The following FAM204A variants were observed in gnomAD, a reference collection of about 807,000 sequenced individuals.
FAM204A encodes the protein protein FAM204A.
Under a neutral mutation model 35.4 loss-of-function variants are expected in FAM204A, and 16 were observed. The observed-to-expected ratio is 0.45, with a 90% CI of 0.31 to 0.69. The LOEUF is 0.69. FAM204A is among the 30% of genes least tolerant of loss of function. The pLI, the probability that FAM204A is intolerant of heterozygous loss-of-function variation, is 0.07. For synonymous variants in FAM204A, 76 were observed against 86.9 expected, an observed-to-expected ratio of 0.88 and a Z score of 0.70; for missense variants, 240 against 265.7, an observed-to-expected ratio of 0.90 and a Z score of 0.67.
rs959044425 is a variant in FAM204A, at chr10:118,306,006, T to C, written c.*4851A>G. 3.3e-5 allele frequency: 5 copies of C among 152,392 alleles called. No individual in the cohort carries two copies. Among genetic ancestry groups the C allele is most frequent in the African/African-American group, 1.2e-4 (5 of 41,588 alleles). The allele number at this position is 152,392 out of a possible 1,614,324, so 9.4% of individuals were successfully genotyped here. A position where few individuals can be genotyped will look rare whatever the true frequency, so the allele number is the denominator to read the frequency against. ...GAAGATGAAGTGATATATTGACTTC[T>C]TGATCAAATGCCAGAACTTACAGAT... On this transcript the variant is annotated 3_prime_UTR_variant, in exon 9 of 9. Coordinates refer to ENST00000369183, the MANE Select transcript of FAM204A (RefSeq NM_022063.3).
chr10:118,328,518 C>T (rs562113299), intron 6 of FAM204A, among the ~76,000 whole-genome samples: 32 of 143,794 alleles, frequency 2.2e-4, no homozygotes, highest in Non-Finnish European at 3.9e-4. Flanking sequence ...TTTGGTGACA[C>T]GGTCTTACTC....
chr10:118,311,119 A>G, intron 8 of FAM204A, 88 bp downstream of exon 8: 2 of 1,238,114 alleles, frequency 1.6e-6, no homozygotes, highest in Non-Finnish European at 2.3e-6. Flanking sequence ...ATGAGTTAAC[A>G]GTTATACACG....
chr10:118,327,424 T>C (rs1846215380), intron 6 of FAM204A, among the ~76,000 whole-genome samples: 1 of 152,126 alleles, frequency 6.6e-6, no homozygotes, highest in South Asian at 2.1e-4. Context: ...AAGTACTTAA[T>C]ACCTGCAAGG....
chr10:118,336,132 G>A (rs1256936583), intron 3 of FAM204A, 50 bp downstream of exon 3: 1 of 1,581,070 alleles, frequency 6.3e-7, no homozygotes, highest in East Asian at 2.2e-5. Flanking sequence ...ACACACAGAG[G>A]CATGTGCACA....
chr10:118,337,018 A>G (rs1846399561), intron 2 of FAM204A, among the ~76,000 whole-genome samples: 1 of 152,248 alleles, frequency 6.6e-6, no homozygotes, highest in African/African-American at 2.4e-5. Flanking sequence ...AAATAATATT[A>G]AATGAAATAT....
Position 118,308,354 on chromosome 10 carries a change from T to G in FAM204A, c.*2503A>C, listed in dbSNP as rs902955587. On this transcript the variant is annotated 3_prime_UTR_variant, in exon 9 of 9. Coordinates refer to ENST00000369183, the MANE Select transcript of FAM204A (RefSeq NM_022063.3). ...TACTGATCCAAAAAGAATCCTTATT[T>G]TGCTGTGACTAGAATGGAGTGGACA... 2.0e-5 allele frequency: 3 copies of G among 152,222 alleles called. No individual in the cohort carries two copies. Among genetic ancestry groups the G allele is most frequent in the Non-Finnish European group, 2.9e-5 (2 of 68,040 alleles). The allele number at this position is 152,222 out of a possible 1,614,324, so 9.4% of individuals were successfully genotyped here. A position where few individuals can be genotyped will look rare whatever the true frequency, so the allele number is the denominator to read the frequency against.
intron 2 of FAM204A, among the ~76,000 whole-genome samples, chr10:118,339,558 C>T (rs571303125): frequency 1.3e-5 from 2 of 152,260 alleles, no homozygotes; most frequent in Admixed American, 1.3e-4. Flanking sequence ...ATCAGAGAAA[C>T]AGAAACTTAA....
intron 7 of FAM204A, among the ~76,000 whole-genome samples, chr10:118,316,780 T>C (rs139078942): frequency 4.2e-4 from 64 of 152,244 alleles, no homozygotes; most frequent in African/African-American, 1.5e-3. Flanking sequence ...TCATATACTC[T>C]GATTTCATAG....
At position 118,317,507 on chromosome 10, in the gene FAM204A, TAAAAG is replaced by T. The variant is rs139928313; in HGVS notation, c.544-6199_544-6195del. ...GATCACCCAATCATACCCCAAAGGTTAAAAGAAAATATCCTCAATGTAATGAGATT... is the reference window on the plus strand; with the variant it reads ...GATCACCCAATCATACCCCAAAGGTTAAAATATCCTCAATGTAATGAGATT... On this transcript the variant is annotated intron_variant, in intron 7 of 8. Coordinates refer to ENST00000369183, the MANE Select transcript of FAM204A (RefSeq NM_022063.3). Among the ~76,000 whole-genome samples, 247 of 151,950 alleles carry T rather than the reference TAAAAG, an allele frequency of 1.6e-3. 1 individual carries two copies. Among genetic ancestry groups the T allele is most frequent in the African/African-American group, 5.7e-3 (237 of 41,468 alleles).
In FAM204A at chr10:118,298,714, A is replaced by G. The variant is rs1845776196; in HGVS notation, c.*12143T>C. The G allele has an allele frequency of 6.6e-6, 1 of 152,214 alleles. No homozygotes were observed. The highest frequency in any genetic ancestry group is 2.4e-5 in the African/African-American group (1 of 41,454). The allele number at this position is 152,214 out of a possible 1,614,324, so 9.4% of individuals were successfully genotyped here. A position where few individuals can be genotyped will look rare whatever the true frequency, so the allele number is the denominator to read the frequency against. On this transcript the variant is annotated 3_prime_UTR_variant, in exon 9 of 9. Coordinates refer to ENST00000369183, the MANE Select transcript of FAM204A (RefSeq NM_022063.3). The stretch of plus-strand genomic sequence containing the variant: ...CCACATTATTATTTTTGGCACTAGG[A>G]AACATGAGGACCAGTGATGAAATGT...
At chr10:118,335,525 GA>G (rs34302018) in intron 4 of FAM204A, 28 bp downstream of exon 4, 340,434 of 1,604,926 alleles carry the variant, frequency 0.21, 38,413 homozygotes, top group East Asian at 0.33. Flanking sequence ...GCATTAGCAC[GA>G]CGAACAACCT....
chr10:118,312,803 A>G (rs1845974327), intron 7 of FAM204A, among the ~76,000 whole-genome samples: 1 of 152,192 alleles, frequency 6.6e-6, no homozygotes, highest in South Asian at 2.1e-4. Context: ...TTCATTCAAC[A>G]AATTTTACAA....
Position 118,310,709 on chromosome 10 carries a change from C to T in FAM204A, c.*148G>A. On this transcript the variant is annotated 3_prime_UTR_variant, in exon 9 of 9. Transcript: ENST00000369183. ...ATAGGACAAAGTCCTTAAAGAAAGACTGAAAAGAGCTGATAATCAAAATCC... is the reference window on the plus strand; with the variant it reads ...ATAGGACAAAGTCCTTAAAGAAAGATTGAAAAGAGCTGATAATCAAAATCC... 1 of 659,644 alleles carries T rather than the reference C, an allele frequency of 1.5e-6. No homozygotes were observed. The highest frequency in any genetic ancestry group is 1.8e-5 in the South Asian group (1 of 56,388). 40.9% of individuals were successfully genotyped at this position (659,644 alleles called of 1,614,324 possible). A position where few individuals can be genotyped will look rare whatever the true frequency, so the allele number is the denominator to read the frequency against.
chr10:118,337,768 G>A (rs768381463), intron 2 of FAM204A, among the ~76,000 whole-genome samples: 15 of 152,124 alleles, frequency 9.9e-5, no homozygotes, highest in Non-Finnish European at 2.2e-4. Context: ...CTATTCTGAG[G>A]ATTAAATGAG....
rs1006914355 is a variant in FAM204A at position 118,305,815 on chromosome 10, A to G, written c.*5042T>C. Reference sequence around the variant, plus strand: ...TTCCTTGGGCATTATGTAGGGAGAAATTCAAAGAAACGCAAAGCTTCATTG... The same window carrying G: ...TTCCTTGGGCATTATGTAGGGAGAAGTTCAAAGAAACGCAAAGCTTCATTG... On this transcript the variant is annotated 3_prime_UTR_variant, in exon 9 of 9. Transcript: ENST00000369183. 1 of 152,226 alleles carries G rather than the reference A, an allele frequency of 6.6e-6. No individual in the cohort carries two copies. Among genetic ancestry groups the G allele is most frequent in the Non-Finnish European group, 1.5e-5 (1 of 68,040 alleles). 9.4% of individuals were successfully genotyped at this position (152,226 alleles called of 1,614,324 possible).
In FAM204A at chr10:118,301,631, C is replaced by T. The variant is rs902879936; in HGVS notation, c.*9226G>A. On this transcript the variant is annotated 3_prime_UTR_variant, in exon 9 of 9. Transcript: ENST00000369183. The stretch of plus-strand genomic sequence containing the variant: ...GGTACTTAGTGCCTTGCTTCCAAGA[C>T]GTGTAGAAATGCAAGAATTGTCCAG... The T allele has an allele frequency of 2.6e-5, 4 of 152,104 alleles. No homozygotes were observed. Among genetic ancestry groups the T allele is most frequent in the Non-Finnish European group, 1.5e-5 (1 of 68,022 alleles). 9.4% of individuals were successfully genotyped at this position (152,104 alleles called of 1,614,324 possible).
chr10:118,311,275 G>A lies in FAM204A; in HGVS notation c.582C>T (p.Asn194=), dbSNP rs1191705723. Residue 194 remains asparagine (N), a synonymous_variant, in exon 8 of 9, where the codon AAC becomes AAT. Coordinates refer to ENST00000369183, the MANE Select transcript of FAM204A (RefSeq NM_022063.3). The part of the protein sequence containing the change: ...VKIAKAVACH[N]FVKAKKEVEN... ...CAACCTCCTTTTTGGCTTTTACAAAGTTGTGGCAGGCAACTGCTTTGGCAA... is the reference window on the plus strand; with the variant it reads ...CAACCTCCTTTTTGGCTTTTACAAAATTGTGGCAGGCAACTGCTTTGGCAA... 1 of 1,608,508 alleles carries A rather than the reference G, an allele frequency of 6.2e-7. No homozygotes were observed. Among genetic ancestry groups the A allele is most frequent in the East Asian group, 2.2e-5 (1 of 44,676 alleles).
chr10:118,328,596 G>A (rs1180970220), intron 6 of FAM204A, among the ~76,000 whole-genome samples: 2 of 151,382 alleles, frequency 1.3e-5, no homozygotes, highest in East Asian at 1.9e-4. Flanking sequence ...GGGTTCAAGC[G>A]ATTCCCCTGC....
intron 7 of FAM204A, among the ~76,000 whole-genome samples, chr10:118,320,949 G>C (rs1009287608): frequency 1.3e-4 from 20 of 149,890 alleles, no homozygotes; most frequent in Non-Finnish European, 2.4e-4. Context: ...TCTCAGACAT[G>C]GTTCTACTTT....
Sources: gnomAD v4.1 joint callset for allele counts (sites outside exome capture counted in the v4.1 genomes callset) on GRCh38, gnomAD v4.1.1 for gene constraint, MANE v1.5 for transcripts, NCBI Gene and HGNC (gene_info 2026-07-23, HGNC 2026-07-21) for gene names.